The following CD79B variants were observed in gnomAD, a reference collection of about 807,000 sequenced individuals.
CD79B encodes the protein CD79b molecule.
Under a neutral mutation model 30.0 loss-of-function variants are expected in CD79B, and 7 were observed. The observed-to-expected ratio is 0.23, with a 90% CI of 0.13 to 0.44. The LOEUF is 0.44. Ranked by LOEUF, CD79B falls within the 20% of genes least tolerant of loss-of-function variation. CD79B has a pLI of 1.00. For missense variants in CD79B, 218 were observed against 299.1 expected (o/e 0.73, Z 2.00); for synonymous variants, 118 against 119.2 (o/e 0.99, Z 0.07).
rs371695427 is a variant in CD79B at position 63,929,216 on chromosome 17, G to T, written c.*10C>A. ...GGAGCCTGCACCCAGGTCATGGGGCGACCTGGCTCTCACTCCTGGCCTGGG... is the reference window on the plus strand; with the variant it reads ...GGAGCCTGCACCCAGGTCATGGGGCTACCTGGCTCTCACTCCTGGCCTGGG... On this transcript the variant is annotated 3_prime_UTR_variant, in exon 6 of 6. Transcript: ENST00000006750. 2 of 1,589,150 alleles carry T rather than the reference G, an allele frequency of 1.3e-6. No individual in the cohort carries two copies. The highest frequency in any genetic ancestry group is 1.7e-5 in the Admixed American group (1 of 59,972).
At position 63,931,315 on chromosome 17, in the gene CD79B, C is replaced by A; in HGVS notation, c.118+20G>T. 6.2e-7 allele frequency: 1 copy of A among 1,613,212 alleles called. No individual in the cohort carries two copies. Among genetic ancestry groups the A allele is most frequent in the Non-Finnish European group, 8.5e-7 (1 of 1,179,296 alleles). ...GTCGCACACAACTTGCCCTCAGAAG[C>A]GGCAGGCGAGGCTACTGACCTTTGG... On this transcript the variant is annotated intron_variant, in intron 2 of 5. Transcript: ENST00000006750.
Position 63,930,324 on chromosome 17 carries a change from C to G in CD79B, c.180G>C (p.Thr60=). The change falls in exon 3 of 6, where the codon ACG becomes ACC. Residue 60 remains threonine, a synonymous_variant. Coordinates refer to ENST00000006750, the MANE Select transcript of CD79B (RefSeq NM_000626.4). ...TGTTCATGTAGCAGTGCATTTTCAC[C>G]GTGAAGCCCCGTTTCCTGGCTATGA... ...PRFIARKRGF[T]VKMHCYMNSA... 4 of 1,614,168 alleles carry G rather than the reference C, an allele frequency of 2.5e-6. No individual in the cohort carries two copies. In the South Asian group the frequency reaches 4.4e-5, roughly 18 times the overall value.
At position 63,928,980 on chromosome 17, in the gene CD79B, C is replaced by A; in HGVS notation, c.*246G>T. ...TGGGGACGGATCACCTCATAGCACCCCCAGAAGGCTGGGTCCCGTCCATCC... is the reference window on the plus strand; with the variant it reads ...TGGGGACGGATCACCTCATAGCACCACCAGAAGGCTGGGTCCCGTCCATCC... On this transcript the variant is annotated 3_prime_UTR_variant, in exon 6 of 6. Coordinates refer to ENST00000006750, the MANE Select transcript of CD79B (RefSeq NM_000626.4). 1 of 571,788 alleles carries A rather than the reference C, an allele frequency of 1.7e-6. No individual in the cohort carries two copies. The highest frequency in any genetic ancestry group is 3.1e-6 in the Non-Finnish European group (1 of 317,976). The allele number at this position is 571,788 out of a possible 1,614,324, so 35.4% of individuals were successfully genotyped here. A position where few individuals can be genotyped will look rare whatever the true frequency, so the allele number is the denominator to read the frequency against.
rs543290517 is a variant in CD79B at position 63,931,322 on chromosome 17, C to T, written c.118+13G>A. The T allele has an allele frequency of 8.7e-6, 14 of 1,613,114 alleles. No individual in the cohort carries two copies. In the African/African-American group the frequency reaches 1.2e-4, roughly 14 times the overall value. On this transcript the variant is annotated intron_variant, in intron 2 of 5. Coordinates refer to ENST00000006750, the MANE Select transcript of CD79B (RefSeq NM_000626.4). ...ACAACTTGCCCTCAGAAGCGGCAGGCGAGGCTACTGACCTTTGGGATTCCG... is the reference window on the plus strand; with the variant it reads ...ACAACTTGCCCTCAGAAGCGGCAGGTGAGGCTACTGACCTTTGGGATTCCG...
rs1907977856 is a variant in CD79B, at chr17:63,929,439, A to G, written c.586T>C (p.Tyr196His). The G allele has an allele frequency of 1.9e-6, 3 of 1,613,888 alleles. No homozygotes were observed. The highest frequency in any genetic ancestry group is 1.7e-6 in the Non-Finnish European group (2 of 1,179,956). The change falls in exon 5 of 6, where the codon TAC becomes CAC. Residue 196 changes from tyrosine to histidine, a missense_variant. By Grantham distance (83) the Tyr-to-His change is moderately conservative. Transcript: ENST00000006750. ...SKAGMEEDHT[Y>H]EGLDIDQTAT... ...GGGCCTGCCCCTCTCCTTACCTCGT[A>G]GGTGTGATCTTCCTCCATGCCAGCC...
rs371044426 is a variant in CD79B, at chr17:63,929,421, C to A, written c.591+13G>T. ...CGAGGACTCAGAGCTGCTGGGCCTGCCCCTCTCCTTACCTCGTAGGTGTGA... is the reference window on the plus strand; with the variant it reads ...CGAGGACTCAGAGCTGCTGGGCCTGACCCTCTCCTTACCTCGTAGGTGTGA... On this transcript the variant is annotated intron_variant, in intron 5 of 5. Coordinates refer to ENST00000006750, the MANE Select transcript of CD79B (RefSeq NM_000626.4). The A allele has an allele frequency of 5.0e-6, 8 of 1,613,758 alleles. No individual in the cohort carries two copies.
At chr17:63,930,453 G>C (rs780524192) in intron 2 of CD79B, 68 bp from the exon 3 acceptor site, 58 of 1,428,768 alleles carry the variant, frequency 4.1e-5, no homozygotes, top group Non-Finnish European at 5.4e-5. Context: ...CCAGCAGCAG[G>C]CCCCTGCCCT....
intron 3 of CD79B, 59 bp downstream of exon 3, chr17:63,930,015 C>G: frequency 6.3e-7 from 1 of 1,592,884 alleles, no homozygotes. Flanking sequence ...CCACAAGAGG[C>G]AGGCCGGGCT....
rs553354803 is a variant in CD79B at position 63,928,944 on chromosome 17, C to A, written c.*282G>T. On this transcript the variant is annotated 3_prime_UTR_variant, in exon 6 of 6. Transcript: ENST00000006750. ...GCTCTGGACCAGTCTCTGCCTCCCC[C>A]ATCCCATGTGTGGGGACGGATCACC... The A allele has an allele frequency of 9.6e-6, 5 of 522,736 alleles. No homozygotes were observed. Among genetic ancestry groups the A allele is most frequent in the South Asian group, 8.2e-5 (4 of 48,944 alleles). The allele number at this position is 522,736 out of a possible 1,614,324, so 32.4% of individuals were successfully genotyped here.
intron 4 of CD79B, 57 bp from the exon 5 acceptor site, chr17:63,929,532 G>T: frequency 6.3e-7 from 1 of 1,589,550 alleles, no homozygotes; most frequent in Non-Finnish European, 8.6e-7. Flanking sequence ...CCCATCCCCT[G>T]CTGGGCCAGG....
Position 63,928,976 on chromosome 17 carries a change from C to A in CD79B, c.*250G>T. ...TGTGTGGGGACGGATCACCTCATAG[C>A]ACCCCCAGAAGGCTGGGTCCCGTCC... On this transcript the variant is annotated 3_prime_UTR_variant, in exon 6 of 6. Coordinates refer to ENST00000006750, the MANE Select transcript of CD79B (RefSeq NM_000626.4). The A allele has an allele frequency of 3.5e-6, 2 of 567,300 alleles. No homozygotes were observed. Among genetic ancestry groups the A allele is most frequent in the South Asian group, 4.0e-5 (2 of 50,348 alleles). 35.1% of individuals were successfully genotyped at this position (567,300 alleles called of 1,614,324 possible). A position where few individuals can be genotyped will look rare whatever the true frequency, so the allele number is the denominator to read the frequency against.
In CD79B at chr17:63,930,372, C is replaced by G; in HGVS notation, c.132G>C (p.Ser44=). The G allele has an allele frequency of 6.2e-7, 1 of 1,613,732 alleles. No individual in the cohort carries two copies. ...RYRNPKGSAC[S]RIWQSPRFIA... ...TGAAACGTGGGCTCTGCCAGATCCG[C>G]GAACAAGCACTACCTGTGGGTGCCA... Residue 44 remains serine, a synonymous_variant, in exon 3 of 6, where the codon TCG becomes TCC. Coordinates refer to ENST00000006750, the MANE Select transcript of CD79B (RefSeq NM_000626.4).
chr17:63,932,232 G>A lies in CD79B; in HGVS notation c.30C>T (p.Pro10=), dbSNP rs1908177921. The A allele has an allele frequency of 6.2e-7, 1 of 1,613,110 alleles. No homozygotes were observed. Among genetic ancestry groups the A allele is most frequent in the Non-Finnish European group, 8.5e-7 (1 of 1,179,996 alleles). MARLALSPV[P]SHWMVALLLL... The stretch of plus-strand genomic sequence containing the variant: ...GCAGCAACGCCACCATCCAGTGGCT[G>A]GGCACAGGAGACAACGCCAGCCTGG... The change falls in exon 1 of 6, where the codon CCC becomes CCT. Residue 10 remains proline, a synonymous_variant. Transcript: ENST00000006750.
Position 63,930,398 on chromosome 17 carries a change from AG to A in CD79B, c.119-14del. Reference sequence around the variant, plus strand: ...GAACAAGCACTACCTGTGGGTGCCAAGGCCAGGCTCAGCATTCCGCTTGGCA... The same window carrying A: ...GAACAAGCACTACCTGTGGGTGCCAAGCCAGGCTCAGCATTCCGCTTGGCA... On this transcript the variant is annotated splice_polypyrimidine_tract_variant and intron_variant, in intron 2 of 5. Transcript: ENST00000006750. 1 of 1,612,458 alleles carries A rather than the reference AG, an allele frequency of 6.2e-7. No homozygotes were observed. The highest frequency in any genetic ancestry group is 8.5e-7 in the Non-Finnish European group (1 of 1,179,412).
intron 4 of CD79B, 92 bp downstream of exon 4, chr17:63,929,678 C>A: frequency 9.6e-7 from 1 of 1,044,780 alleles, no homozygotes; most frequent in Non-Finnish European, 1.5e-6. Flanking sequence ...AAGGCCACAA[C>A]GAGAGCTGGG....
chr17:63,929,814 T>C lies in CD79B; in HGVS notation c.505A>G (p.Ile169Val). Residue 169 changes from isoleucine (I) to valine (V), a missense_variant, in exon 4 of 6, where the codon ATC becomes GTC. Coordinates refer to ENST00000006750, the MANE Select transcript of CD79B (RefSeq NM_000626.4). ...ATAGGCACGATGATGAAGAGGATGA[T>C]CAGCAGCGTCTGGATCATGATGATA... ...DGIIMIQTLLIILFIIVPIFL... is the reference protein window; with the variant it reads ...DGIIMIQTLLVILFIIVPIFL... 1 of 1,613,318 alleles carries C rather than the reference T, an allele frequency of 6.2e-7. No individual in the cohort carries two copies. The highest frequency in any genetic ancestry group is 8.5e-7 in the Non-Finnish European group (1 of 1,179,868).
chr17:63,929,997 G>A lies in CD79B; in HGVS notation c.430+77C>T. The A allele has an allele frequency of 1.9e-6, 3 of 1,567,454 alleles. No homozygotes were observed. The South Asian group carries it at 3.3e-5, about 17-fold the overall frequency. On this transcript the variant is annotated intron_variant, in intron 3 of 5. Transcript: ENST00000006750. The stretch of plus-strand genomic sequence containing the variant: ...GCTCTCCTGAGTGCTCTAGGGCCAT[G>A]ACCATCACCACAAGAGGCAGGCCGG...
Position 63,930,626 on chromosome 17 carries a change from C to T in CD79B, c.119-241G>A, listed in dbSNP as rs1908068645. ...ACCTCTTCCCGACTGCCCCACCTCC[C>T]CTTCGATTTTCCTTTGGAAGAGCCC... is the stretch of plus-strand genomic sequence containing the variant. On this transcript the variant is annotated intron_variant, in intron 2 of 5. Transcript: ENST00000006750. The T allele has an allele frequency of 5.1e-6, 3 of 583,596 alleles. No homozygotes were observed. The African/African-American group carries it at 5.6e-5, about 11-fold the overall frequency. 36.2% of individuals were successfully genotyped at this position (583,596 alleles called of 1,614,324 possible).
chr17:63,930,646 G>T lies in CD79B; in HGVS notation c.119-261C>A, dbSNP rs541135411. 10 of 567,108 alleles carry T rather than the reference G, an allele frequency of 1.8e-5. No homozygotes were observed. In the South Asian group the frequency reaches 1.8e-4, roughly 10 times the overall value. The allele number at this position is 567,108 out of a possible 1,614,324, so 35.1% of individuals were successfully genotyped here. On this transcript the variant is annotated intron_variant, in intron 2 of 5. Transcript: ENST00000006750. The stretch of plus-strand genomic sequence containing the variant: ...CCTCCCCTTCGATTTTCCTTTGGAA[G>T]AGCCCTGGGACCTTGCCATTCCTTC...
Sources: gnomAD v4.1 joint callset for allele counts on GRCh38, gnomAD v4.1.1 for gene constraint, MANE v1.5 for transcripts, NCBI Gene and HGNC (gene_info 2026-07-23, HGNC 2026-07-21) for gene names.